KIRREL3: variants seen among roughly 807,000 people sequenced by gnomAD.
KIRREL3 encodes the protein kirre like nephrin family adhesion molecule 3.
In KIRREL3, 36 loss-of-function variants were observed where a neutral mutation model predicts 89.7. The ratio of observed to expected loss-of-function variants is 0.40; its 90% CI spans 0.31 to 0.53. The LOEUF (loss-of-function observed/expected upper bound fraction) is 0.53, where lower values mean the gene tolerates loss of function less well. Among genes scored for constraint, KIRREL3 ranks in the 20% least tolerant of loss-of-function variants. KIRREL3 has a pLI of 0.49. For missense variants in KIRREL3, 864 were observed against 1,056.6 expected, an observed-to-expected ratio of 0.82 and a Z score of 2.53; for synonymous variants, 445 against 441.4, an observed-to-expected ratio of 1.01 and a Z score of -0.10.
In KIRREL3 at chr11:126,708,760, C is replaced by T. The variant is rs1947641410; in HGVS notation, c.56-145848G>A. On this transcript the variant is annotated intron_variant, in intron 1 of 16. Transcript: ENST00000525144. This position sits in a 1 kb window ranked among gnomAD's most constrained non-coding sequence, Gnocchi z 5.7. ...TTCAGCATGATCTCTGAGGAGTTCA[C>T]TAGCTTTCCTCCCTCCGCTCTCCAG... Among the ~76,000 whole-genome samples the T allele has an allele frequency of 6.6e-6, 1 of 152,214 alleles. No individual in the cohort carries two copies.
rs1949891722 is a variant in KIRREL3, at chr11:126,768,133, T to TATCTATCCATCCATCC, written c.56-205222_56-205221insGGATGGATGGATAGAT. On this transcript the variant is annotated intron_variant, in intron 1 of 16. Transcript: ENST00000525144. This position sits in a 1 kb window ranked among gnomAD's most constrained non-coding sequence, Gnocchi z 4.5. ...CTGTCCATCCATCTGTCTATCCATC[T>TATCTATCCATCCATCC]ATCCATCCATCCATCCATCCATCCA... Among the ~76,000 whole-genome samples the TATCTATCCATCCATCC allele has an allele frequency of 2.4e-4, 31 of 127,546 alleles. No individual in the cohort carries two copies. Among genetic ancestry groups the TATCTATCCATCCATCC allele is most frequent in the Admixed American group, 7.8e-4 (10 of 12,892 alleles). The allele number at this position is 127,546 out of a possible 152,430, so 83.7% of individuals were successfully genotyped here.
In KIRREL3 at chr11:126,744,050, A is replaced by C. The variant is rs1949063731; in HGVS notation, c.56-181138T>G. On this transcript the variant is annotated intron_variant, in intron 1 of 16. Coordinates refer to ENST00000525144, the MANE Select transcript of KIRREL3 (RefSeq NM_032531.4). This position sits in a 1 kb window ranked among gnomAD's most constrained non-coding sequence, Gnocchi z 4.7. Reference sequence around the variant, plus strand: ...AGCAATGGGCAGAATTTTGATAAGCAGAAAAGAAGAGGAGCAGAAAATGTT... The same window carrying C: ...AGCAATGGGCAGAATTTTGATAAGCCGAAAAGAAGAGGAGCAGAAAATGTT... Among the ~76,000 whole-genome samples, 1 of 152,200 alleles carries C rather than the reference A, an allele frequency of 6.6e-6. No individual in the cohort carries two copies. Among genetic ancestry groups the C allele is most frequent in the Non-Finnish European group, 1.5e-5 (1 of 68,048 alleles).
At chr11:126,538,357 G>A (rs919191276) in intron 2 of KIRREL3, among the ~76,000 whole-genome samples, 3 of 152,176 alleles carry the variant, frequency 2.0e-5, no homozygotes, top group African/African-American at 7.2e-5. Flanking sequence ...TGAGATTAAG[G>A]GAAGCTGCCC....
chr11:126,550,426 C>T lies in KIRREL3; in HGVS notation c.133+12409G>A, dbSNP rs1230780594. The T allele has an allele frequency of 6.6e-6, 1 of 152,218 alleles. No homozygotes were observed. Among genetic ancestry groups the T allele is most frequent in the Non-Finnish European group, 1.5e-5 (1 of 68,068 alleles). 9.4% of individuals were successfully genotyped at this position (152,218 alleles called of 1,614,324 possible). Reference sequence around the variant, plus strand: ...CTTTGGGAGGCTGAGGCGGGTGGATCACCCGAGGTCAGGAGTTTGAGACCA... The same window carrying T: ...CTTTGGGAGGCTGAGGCGGGTGGATTACCCGAGGTCAGGAGTTTGAGACCA... On this transcript the variant is annotated intron_variant, in intron 2 of 16. Coordinates refer to ENST00000525144, the MANE Select transcript of KIRREL3 (RefSeq NM_032531.4). The surrounding 1 kb of genome is among the most constrained non-coding windows in gnomAD (Gnocchi z 4.9).
At chr11:126,933,974 T>A (rs906792285) in intron 1 of KIRREL3, among the ~76,000 whole-genome samples, 1 of 144,434 alleles carries the variant, frequency 6.9e-6, no homozygotes, top group Non-Finnish European at 1.5e-5. Context: ...AAGATTTACA[T>A]GGAAATGCAA....
At position 126,423,492 on chromosome 11, in the gene KIRREL3, A is replaced by G. The variant is rs531449354; in HGVS notation, c.*1088T>C. ...GTAGGAACAAAAGAACAGAACAAAC[A>G]TGTTGGAGTAGTGTCCCTAACATTT... is the stretch of plus-strand genomic sequence containing the variant. On this transcript the variant is annotated 3_prime_UTR_variant, in exon 17 of 17. Coordinates refer to ENST00000525144, the MANE Select transcript of KIRREL3 (RefSeq NM_032531.4). 1.3e-5 allele frequency: 2 copies of G among 152,322 alleles called. No homozygotes were observed. Among genetic ancestry groups the G allele is most frequent in the South Asian group, 4.1e-4 (2 of 4,824 alleles). 9.4% of individuals were successfully genotyped at this position (152,322 alleles called of 1,614,324 possible). A position where few individuals can be genotyped will look rare whatever the true frequency, so the allele number is the denominator to read the frequency against.
chr11:126,992,781 T>C (rs910562978), intron 1 of KIRREL3, among the ~76,000 whole-genome samples: 1 of 152,222 alleles, frequency 6.6e-6, no homozygotes, highest in Non-Finnish European at 1.5e-5. Context: ...AATGTTAGGC[T>C]GCCTGCGCCT....
At chr11:126,678,360 G>A (rs887822672) in intron 1 of KIRREL3, among the ~76,000 whole-genome samples, 10 of 152,014 alleles carry the variant, frequency 6.6e-5, no homozygotes, top group African/African-American at 2.4e-4. Context: ...CACCACTTTG[G>A]GAGGCCGAGG....
rs549712272 is a variant in KIRREL3, at chr11:126,495,756, C to A, written c.434-22290G>T. Among the ~76,000 whole-genome samples, 1 of 152,146 alleles carries A rather than the reference C, an allele frequency of 6.6e-6. No individual in the cohort carries two copies. The highest frequency in any genetic ancestry group is 1.5e-5 in the Non-Finnish European group (1 of 68,040). On this transcript the variant is annotated intron_variant, in intron 4 of 16. Coordinates refer to ENST00000525144, the MANE Select transcript of KIRREL3 (RefSeq NM_032531.4). This position sits in a 1 kb window ranked among gnomAD's most constrained non-coding sequence, Gnocchi z 6.5. The stretch of plus-strand genomic sequence containing the variant: ...TGTGGGCACTCCCTGCCCTTCTCAC[C>A]GCTCTCCTTGTAAAAGGCAGTGCTG...
rs1299592152 is a variant in KIRREL3, at chr11:126,624,956, G to A, written c.56-62044C>T. On this transcript the variant is annotated intron_variant, in intron 1 of 16. Transcript: ENST00000525144. This position sits in a 1 kb window ranked among gnomAD's most constrained non-coding sequence, Gnocchi z 6.0. ...GCGTTTCCTAGTCACTCATCACAAG[G>A]TCACTGATTGTTGGATGGCATGGGC... Among the ~76,000 whole-genome samples the A allele has an allele frequency of 6.6e-6, 1 of 152,148 alleles. No individual in the cohort carries two copies. Among genetic ancestry groups the A allele is most frequent in the African/African-American group, 2.4e-5 (1 of 41,416 alleles).
rs1414109304 is a variant in KIRREL3 at position 126,511,504 on chromosome 11, G to T, written c.433+9811C>A. ...AAAGGCAGCAATGCATCTTTCCTCT[G>T]CAGGACACTGACCATAGCTGTTAGT... On this transcript the variant is annotated intron_variant, in intron 4 of 16. Transcript: ENST00000525144. 2.0e-5 allele frequency among the ~76,000 whole-genome samples: 3 copies of T among 152,276 alleles called. No individual in the cohort carries two copies. The East Asian group carries it at 5.8e-4, about 29-fold the overall frequency.
rs73569581 is a variant in KIRREL3 at position 126,704,639 on chromosome 11, G to A, written c.56-141727C>T. ...CACAGACAGGGCTCTATTTTTGGAT[G>A]TCTTGGTTCTCATGAGTTGTGGCTA... On this transcript the variant is annotated intron_variant, in intron 1 of 16. Coordinates refer to ENST00000525144, the MANE Select transcript of KIRREL3 (RefSeq NM_032531.4). This position sits in a 1 kb window ranked among gnomAD's most constrained non-coding sequence, Gnocchi z 4.2. Among the ~76,000 whole-genome samples the A allele has an allele frequency of 0.062, 9,434 of 152,264 alleles. 801 individuals are homozygous for A. The highest frequency in any genetic ancestry group is 0.2 in the African/African-American group (8,173 of 41,500).
chr11:126,944,913 T>C (rs1181480813), intron 1 of KIRREL3: 4 of 152,232 alleles, frequency 2.6e-5, no homozygotes, highest in South Asian at 2.1e-4. Flanking sequence ...CTCTTTCCAC[T>C]TGCCTTTCAT....
At chr11:126,450,578 T>C (rs1205043687) in intron 7 of KIRREL3, among the ~76,000 whole-genome samples, 2 of 150,452 alleles carry the variant, frequency 1.3e-5, no homozygotes, top group East Asian at 4.0e-4. Flanking sequence ...TGTGCATGTG[T>C]GCATGTGCAT....
At chr11:126,717,003 G>T (rs1039052491) in intron 1 of KIRREL3, among the ~76,000 whole-genome samples, 1 of 152,156 alleles carries the variant, frequency 6.6e-6, no homozygotes, top group Non-Finnish European at 1.5e-5. Context: ...ATGACCAATG[G>T]GAGGATGAAC....
intron 1 of KIRREL3, among the ~76,000 whole-genome samples, chr11:126,881,485 C>T (rs1945493207): frequency 6.6e-6 from 1 of 152,202 alleles, no homozygotes; most frequent in Non-Finnish European, 1.5e-5. Context: ...AAGTCCCAGC[C>T]TAGATCTGTC....
chr11:126,527,569 C>T lies in KIRREL3; in HGVS notation c.134-882G>A, dbSNP rs985566530. On this transcript the variant is annotated intron_variant, in intron 2 of 16. Coordinates refer to ENST00000525144, the MANE Select transcript of KIRREL3 (RefSeq NM_032531.4). The surrounding 1 kb of genome is among the most constrained non-coding windows in gnomAD (Gnocchi z 4.2). Reference sequence around the variant, plus strand: ...ATTTTCCAGATGGGAAAATGAGGCACAGGGAGGTGAAAAATAGTAATGGGA... The same window carrying T: ...ATTTTCCAGATGGGAAAATGAGGCATAGGGAGGTGAAAAATAGTAATGGGA... Among the ~76,000 whole-genome samples the T allele has an allele frequency of 1.7e-4, 26 of 152,098 alleles. No homozygotes were observed. The highest frequency in any genetic ancestry group is 1.3e-4 in the Non-Finnish European group (9 of 68,016).
chr11:126,889,782 G>A (rs1945840854), intron 1 of KIRREL3, among the ~76,000 whole-genome samples: 1 of 152,210 alleles, frequency 6.6e-6, no homozygotes, highest in Non-Finnish European at 1.5e-5. Context: ...CAATTTAAGA[G>A]TGGATAATTA....
chr11:126,751,213 T>A (rs1476487143), intron 1 of KIRREL3, among the ~76,000 whole-genome samples: 41 of 152,174 alleles, frequency 2.7e-4, no homozygotes, highest in Non-Finnish European at 1.5e-5. Flanking sequence ...CTCCTCTAGG[T>A]CTAAAAGGAA....
Sources: gnomAD v4.1 joint callset for allele counts (sites outside exome capture counted in the v4.1 genomes callset) on GRCh38, gnomAD v4.1.1 for gene constraint, Gnocchi (gnomAD v3.1) non-coding constraint, MANE v1.5 for transcripts, NCBI Gene and HGNC (gene_info 2026-07-23, HGNC 2026-07-21) for gene names.